Variants in PIK3CB observed in about 807,000 individuals in gnomAD.
PIK3CB encodes phosphatidylinositol 4,5-bisphosphate 3-kinase catalytic subunit beta isoform.
Under a neutral mutation model 136.8 loss-of-function variants are expected in PIK3CB, and 39 were observed. That is an observed-to-expected ratio of 0.29 (90% CI 0.22 to 0.37). The LOEUF is 0.37. PIK3CB is among the 10% of genes least tolerant of loss of function. PIK3CB has a pLI of 1.00. For missense variants in PIK3CB, 868 were observed against 1,275.4 expected (o/e 0.68, Z 4.87); for synonymous variants, 428 against 436.6 (o/e 0.98, Z 0.25).
chr3:138,833,647 G>A (rs1406908952), intron 1 of PIK3CB, among the ~76,000 whole-genome samples: 4 of 152,202 alleles, frequency 2.6e-5, no homozygotes, highest in Non-Finnish European at 5.9e-5. Context: ...CAGTCACACT[G>A]CCCACAATGA....
chr3:138,694,706 T>C, intron 14 of PIK3CB, 80 bp downstream of exon 14: 1 of 1,413,706 alleles, frequency 7.1e-7, no homozygotes. Context: ...TTCTTTCTTA[T>C]GAGACATCAA....
rs2044569734 is a variant in PIK3CB at position 138,714,557 on chromosome 3, A to G, written c.1213T>C (p.Tyr405His). 6 of 1,613,094 alleles carry G rather than the reference A, an allele frequency of 3.7e-6. No homozygotes were observed. The highest frequency in any genetic ancestry group is 5.1e-6 in the Non-Finnish European group (6 of 1,179,096). Residue 405 changes from tyrosine to histidine, a missense_variant, in exon 9 of 24, where the codon TAT (tyrosine) becomes CAT (histidine). Physicochemically the swap from Tyr to His is moderately conservative, Grantham distance 83. Around this residue, in one of 4 missense-constraint regions of PIK3CB, gnomAD observed 612 missense variants for 801.1 expected, o/e 0.76. Coordinates refer to ENST00000674063, the MANE Select transcript of PIK3CB (RefSeq NM_006219.3). ...GTTTTTACTTTATCCAAAACTGCAT[A>G]AACAGCAAAACATAATCGAGCCATT... ...PRMARLCFAV[Y>H]AVLDKVKTKK... is the part of the protein sequence containing the mutation.
chr3:138,758,496 C>T (rs373924045), intron 3 of PIK3CB, among the ~76,000 whole-genome samples: 6 of 152,132 alleles, frequency 3.9e-5, no homozygotes, highest in African/African-American at 1.2e-4. Context: ...CATGCATGAG[C>T]GTATGAGATG....
intron 15 of PIK3CB, among the ~76,000 whole-genome samples, chr3:138,690,367 T>C (rs969788219): frequency 6.6e-6 from 1 of 151,712 alleles, no homozygotes; most frequent in Non-Finnish European, 1.5e-5. Flanking sequence ...GGAAAAAAAA[T>C]GTCTGAGTAC....
chr3:138,745,332 A>G (rs1171140895), intron 4 of PIK3CB, among the ~76,000 whole-genome samples: 1 of 152,156 alleles, frequency 6.6e-6, no homozygotes, highest in African/African-American at 2.4e-5. Flanking sequence ...CTTAAAAGGC[A>G]GTCCCTAGGC....
chr3:138,669,505 T>G (rs373942741), intron 19 of PIK3CB, among the ~76,000 whole-genome samples: 7 of 151,384 alleles, frequency 4.6e-5, no homozygotes, highest in East Asian at 3.9e-4. Context: ...GTCAAAAAAT[T>G]GATTTCACAT....
At chr3:138,828,237 G>A (rs991629282) in intron 1 of PIK3CB, among the ~76,000 whole-genome samples, 9 of 143,752 alleles carry the variant, frequency 6.3e-5, no homozygotes, top group African/African-American at 1.3e-4. Flanking sequence ...CCAGGCTGGA[G>A]TGCAATGGCG....
intron 2 of PIK3CB, among the ~76,000 whole-genome samples, chr3:138,794,578 T>A (rs2046088233): frequency 6.6e-6 from 1 of 152,164 alleles, no homozygotes. Context: ...ATAAAGGGGA[T>A]GCATCAAGGC....
At chr3:138,830,682 G>A (rs375154239) in intron 1 of PIK3CB, among the ~76,000 whole-genome samples, 15 of 151,760 alleles carry the variant, frequency 9.9e-5, no homozygotes, top group African/African-American at 3.4e-4. Flanking sequence ...GGCGGATCAC[G>A]AGGTCAGGAG....
chr3:138,740,476 G>C (rs1267331760), intron 5 of PIK3CB, among the ~76,000 whole-genome samples: 1 of 152,162 alleles, frequency 6.6e-6, no homozygotes. Context: ...GACTAAGACA[G>C]TGTCACACAC....
intron 1 of PIK3CB, among the ~76,000 whole-genome samples, chr3:138,813,760 A>G (rs1933181698): frequency 6.6e-6 from 1 of 152,160 alleles, no homozygotes; most frequent in African/African-American, 2.4e-5. Context: ...CAAGTGTTTT[A>G]GTGGTGGTGA....
intron 2 of PIK3CB, among the ~76,000 whole-genome samples, chr3:138,771,698 A>G (rs1205557226): frequency 6.6e-6 from 1 of 152,152 alleles, no homozygotes; most frequent in Non-Finnish European, 1.5e-5. Flanking sequence ...CACTCTAAAC[A>G]GCTTTTACAA....
At chr3:138,814,866 G>A (rs1001544215) in intron 1 of PIK3CB, among the ~76,000 whole-genome samples, 3 of 151,928 alleles carry the variant, frequency 2.0e-5, no homozygotes, top group African/African-American at 4.8e-5. Context: ...GGCCAGGCGC[G>A]GTGGCTCACG....
At chr3:138,785,017 G>T (rs1241587458) in intron 2 of PIK3CB, among the ~76,000 whole-genome samples, 5 of 152,148 alleles carry the variant, frequency 3.3e-5, no homozygotes, top group African/African-American at 1.2e-4. Flanking sequence ...CGTCTGGGAA[G>T]TGAGGAGCCC....
At chr3:138,699,981 T>C (rs1240317404) in intron 12 of PIK3CB, among the ~76,000 whole-genome samples, 2 of 152,048 alleles carry the variant, frequency 1.3e-5, no homozygotes, top group African/African-American at 4.8e-5. Flanking sequence ...GCAGGAAGAC[T>C]GCTTGAGCCC....
chr3:138,772,783 C>CTTT (rs776881626), intron 2 of PIK3CB, among the ~76,000 whole-genome samples: 42 of 112,202 alleles, frequency 3.7e-4, no homozygotes, highest in East Asian at 9.1e-4. Context: ...TATTTATTCT[C>CTTT]TTTTTTTTTT....
At chr3:138,688,370 G>T (rs1375176135) in intron 16 of PIK3CB, among the ~76,000 whole-genome samples, 1 of 151,726 alleles carries the variant, frequency 6.6e-6, no homozygotes, top group Admixed American at 6.6e-5. Flanking sequence ...GCATGGTGGC[G>T]CATGCCTGTA....
intron 4 of PIK3CB, among the ~76,000 whole-genome samples, chr3:138,752,007 T>G (rs967858362): frequency 6.0e-5 from 9 of 150,946 alleles, no homozygotes; most frequent in African/African-American, 2.2e-4. Flanking sequence ...ACAGACTAGC[T>G]ATTTCCCTCA....
chr3:138,763,788 T>C (rs866517417), intron 2 of PIK3CB, among the ~76,000 whole-genome samples: 3 of 152,088 alleles, frequency 2.0e-5, no homozygotes, highest in African/African-American at 7.2e-5. Context: ...TCTAAGCCAT[T>C]AGAGAAAATG....
Sources: gnomAD v4.1 joint callset for allele counts (sites outside exome capture counted in the v4.1 genomes callset) on GRCh38, gnomAD v4.1.1 for gene constraint, gnomAD v4.1.1 regional missense constraint, MANE v1.5 for transcripts, NCBI Gene and HGNC (gene_info 2026-07-23, HGNC 2026-07-21) for gene names.